Variants in VTI1B observed in about 807,000 individuals in gnomAD.
VTI1B encodes the protein vesicle transport through interaction with t-SNAREs 1B, also known as vesicle transport through interaction with t-SNAREs homolog 1B.
VTI1B carries 18 observed loss-of-function variants against 28.6 expected under a neutral mutation model. That is an observed-to-expected ratio of 0.63 (90% CI 0.43 to 0.93). The LOEUF is 0.93. VTI1B is among the 40% of genes least tolerant of loss of function. The probability of loss-of-function intolerance (pLI) is 0.00; values close to 1 mark genes in which losing one functional copy is unlikely to be tolerated. For synonymous variants in VTI1B, 100 were observed against 107.9 expected (o/e 0.93, Z 0.46); for missense variants, 283 against 297.0 (o/e 0.95, Z 0.35).
intron 2 of VTI1B, among the ~76,000 whole-genome samples, chr14:67,661,515 CA>C (rs1197041304): frequency 7.5e-6 from 1 of 133,914 alleles, no homozygotes; most frequent in Non-Finnish European, 1.6e-5. Flanking sequence ...GTAGGTTTAA[CA>C]AAGAACAGTA....
In VTI1B at chr14:67,658,696, C is replaced by G. The variant is rs374324989; in HGVS notation, c.366+1035G>C. Among the ~76,000 whole-genome samples the G allele has an allele frequency of 3.0e-4, 45 of 152,368 alleles. 1 individual carries two copies. Among genetic ancestry groups the G allele is most frequent in the African/African-American group, 1.1e-3 (44 of 41,582 alleles). ...AACATGACTAAAGTCACTTTTACAA[C>G]TCCCACTTTAACCAGCTCCACCTGC... On this transcript the variant is annotated intron_variant, in intron 3 of 5. Coordinates refer to ENST00000554659, the MANE Select transcript of VTI1B (RefSeq NM_006370.3).
chr14:67,662,399 T>C (rs1216836627), intron 2 of VTI1B, 78 bp downstream of exon 2: 3 of 1,244,052 alleles, frequency 2.4e-6, no homozygotes, highest in Non-Finnish European at 3.5e-6. Context: ...AACAGTTAAT[T>C]TGTGATCAGC....
At chr14:67,671,451 A>T (rs2037464122) in intron 1 of VTI1B, among the ~76,000 whole-genome samples, 1 of 152,126 alleles carries the variant, frequency 6.6e-6, no homozygotes. Flanking sequence ...ACTTGAACCC[A>T]GGAGGTGGAG....
At chr14:67,656,688 G>T in intron 3 of VTI1B, 99 bp from the exon 4 acceptor site, 1 of 1,298,748 alleles carries the variant, frequency 7.7e-7, no homozygotes, top group Non-Finnish European at 1.0e-6. Flanking sequence ...GGGATATAGT[G>T]AGCAATAATT....
chr14:67,661,012 G>A (rs1219326827), intron 2 of VTI1B, among the ~76,000 whole-genome samples: 1 of 152,130 alleles, frequency 6.6e-6, no homozygotes, highest in Non-Finnish European at 1.5e-5. Flanking sequence ...ATGCAAAACA[G>A]AGAAAAGGAT....
At chr14:67,661,769 A>G (rs75322851) in intron 2 of VTI1B, among the ~76,000 whole-genome samples, 13,599 of 151,962 alleles carry the variant, frequency 0.089, 851 homozygotes, top group East Asian at 0.23. Flanking sequence ...TCTGGCCTCA[A>G]GTGATCCTCC....
At chr14:67,671,207 C>T (rs1420242826) in intron 1 of VTI1B, among the ~76,000 whole-genome samples, 1 of 152,128 alleles carries the variant, frequency 6.6e-6, no homozygotes, top group African/African-American at 2.4e-5. Context: ...ATCCATTAAA[C>T]AACTATGTCT....
Position 67,648,426 on chromosome 14 carries a change from A to G in VTI1B, c.*2959T>C. 3.0e-6 allele frequency: 1 copy of G among 338,614 alleles called. No individual in the cohort carries two copies. The highest frequency in any genetic ancestry group is 8.1e-4 in the Middle Eastern group (1 of 1,234). The allele number at this position is 338,614 out of a possible 1,614,324, so 21.0% of individuals were successfully genotyped here. ...AATGAGTAAAAAATTGTATATTTAA[A>G]CAATTAAATACAAGAATAAATTGTC... On this transcript the variant is annotated 3_prime_UTR_variant, in exon 6 of 6. Transcript: ENST00000554659.
chr14:67,658,113 G>A (rs1372023673), intron 3 of VTI1B, among the ~76,000 whole-genome samples: 6 of 152,056 alleles, frequency 3.9e-5, no homozygotes, highest in Non-Finnish European at 7.3e-5. Flanking sequence ...ACTGAATGAG[G>A]TTCAAATAAA....
In VTI1B at chr14:67,658,045, G is replaced by A. The variant is rs145234742; in HGVS notation, c.367-1456C>T. On this transcript the variant is annotated intron_variant, in intron 3 of 5. Transcript: ENST00000554659. ...ATTACAGGCGTAAGCCACTGTGCCC[G>A]GCGCTCTGTAGCATTTTCACTTAAT... is the stretch of plus-strand genomic sequence containing the variant. Among the ~76,000 whole-genome samples, 533 of 152,230 alleles carry A rather than the reference G, an allele frequency of 3.5e-3. 3 individuals are homozygous for A. The highest frequency in any genetic ancestry group is 6.2e-3 in the South Asian group (30 of 4,818).
chr14:67,658,515 T>G (rs930431568), intron 3 of VTI1B, among the ~76,000 whole-genome samples: 1 of 152,012 alleles, frequency 6.6e-6, no homozygotes, highest in Non-Finnish European at 1.5e-5. Context: ...GAGAATGGAG[T>G]GAACCCGGGA....
chr14:67,662,572 G>A (rs779200774), intron 1 of VTI1B, 37 bp from the exon 2 acceptor site: 16 of 1,559,154 alleles, frequency 1.0e-5, no homozygotes, highest in Non-Finnish European at 8.8e-7. Context: ...GCTTATTACT[G>A]TTTCCACACA....
chr14:67,674,338 G>A (rs1438433390), intron 1 of VTI1B, 37 bp downstream of exon 1: 11 of 1,537,202 alleles, frequency 7.2e-6, no homozygotes, highest in African/African-American at 2.8e-5. Flanking sequence ...AGCGCGCAGG[G>A]CTGCGCTCCC....
intron 1 of VTI1B, 77 bp downstream of exon 1, chr14:67,674,297 TG>T: frequency 7.4e-7 from 1 of 1,355,816 alleles, no homozygotes; most frequent in Non-Finnish European, 9.9e-7. Flanking sequence ...GGCCCGGGTC[TG>T]GGAGGAAGGT....
At position 67,648,118 on chromosome 14, in the gene VTI1B, C is replaced by T. The variant is rs775076365; in HGVS notation, c.*3267G>A. 1 of 1,613,918 alleles carries T rather than the reference C, an allele frequency of 6.2e-7. No individual in the cohort carries two copies. The highest frequency in any genetic ancestry group is 1.1e-5 in the South Asian group (1 of 91,072). ...CCTACACTGGCTCCAGCCACAGGAA[C>T]TCCTGTTGTCGGGGGACTAACCTAT... On this transcript the variant is annotated 3_prime_UTR_variant, in exon 6 of 6. Coordinates refer to ENST00000554659, the MANE Select transcript of VTI1B (RefSeq NM_006370.3).
In VTI1B at chr14:67,659,872, G is replaced by A. The variant is rs1322695321; in HGVS notation, c.225C>T (p.Asn75=). The A allele has an allele frequency of 6.2e-7, 1 of 1,614,050 alleles. No homozygotes were observed. Among genetic ancestry groups the A allele is most frequent in the African/African-American group, 1.3e-5 (1 of 74,936 alleles). ...ELRYAPLSFR[N]PMMSKLRNYR... ...AGTTTCGAAGCTTAGACATCATGGG[G>A]TTTCGGAAAGACAGGGGTGCATAAC... Residue 75 remains asparagine (N), a synonymous_variant, in exon 3 of 6, where the codon AAC becomes AAT. Coordinates refer to ENST00000554659, the MANE Select transcript of VTI1B (RefSeq NM_006370.3).
At chr14:67,661,188 CCAGAATTTTGG>C (rs2037328781) in intron 2 of VTI1B, among the ~76,000 whole-genome samples, 2 of 146,590 alleles carry the variant, frequency 1.4e-5, no homozygotes, top group Admixed American at 1.4e-4. Flanking sequence ...CTAGCAGCGA[CCAGAATTTTGG>C]CCCCAATCTT....
intron 3 of VTI1B, among the ~76,000 whole-genome samples, chr14:67,657,559 A>C (rs1049846686): frequency 1.3e-5 from 2 of 151,972 alleles, no homozygotes; most frequent in African/African-American, 4.8e-5. Flanking sequence ...AAACGGAGGC[A>C]GCTCCAAGTT....
At chr14:67,673,463 C>T (rs182641468) in intron 1 of VTI1B, among the ~76,000 whole-genome samples, 2 of 152,312 alleles carry the variant, frequency 1.3e-5, no homozygotes, top group Non-Finnish European at 2.9e-5. Flanking sequence ...TGTTTATCAC[C>T]TACCCACTAG....
Sources: allele counts gnomAD v4.1 joint callset (sites outside exome capture counted in the v4.1 genomes callset), GRCh38; gene constraint gnomAD v4.1.1; transcripts MANE v1.5; gene names NCBI Gene and HGNC (gene_info 2026-07-23, HGNC 2026-07-21).